Variants in TGM4 observed in about 807,000 individuals in gnomAD.
TGM4 encodes protein-glutamine gamma-glutamyltransferase 4.
TGM4 carries 61 observed loss-of-function variants against 76.3 expected under a neutral mutation model. The ratio of observed to expected loss-of-function variants is 0.80; its 90% confidence interval spans 0.65 to 0.99. The LOEUF (loss-of-function observed/expected upper bound fraction) is 0.99, where lower values mean the gene tolerates loss of function less well. Among genes scored for constraint, TGM4 ranks in the 50% least tolerant of loss-of-function variants. The probability of loss-of-function intolerance (pLI) is 0.00; values close to 1 mark genes in which losing one functional copy is unlikely to be tolerated. For missense variants in TGM4, 794 were observed against 843.2 expected (o/e 0.94, Z 0.72); for synonymous variants, 337 against 329.8 (o/e 1.02, Z -0.24).
In TGM4 at chr3:44,885,422, A is replaced by G. The variant is rs766047776; in HGVS notation, c.117A>G (p.Gly39=). 1.4e-5 allele frequency: 23 copies of G among 1,613,678 alleles called. No homozygotes were observed. The highest frequency in any genetic ancestry group is 1.9e-5 in the Non-Finnish European group (22 of 1,180,014). ...FQTSSPVFRR[G]QVFHLRLVLN... ...CGAGCAGTCCTGTGTTCCGGCGAGG[A>G]CAGGTGTTTCACCTGCGGCTGGTGC... The change falls in exon 2 of 14, where the codon GGA becomes GGG. Residue 39 remains glycine, a synonymous_variant. Transcript: ENST00000296125.
intron 1 of TGM4, among the ~76,000 whole-genome samples, chr3:44,877,786 A>G (rs1216109072): frequency 6.6e-6 from 1 of 152,194 alleles, no homozygotes. Context: ...AGATGCCCAT[A>G]TCCTGTGACA....
chr3:44,885,521 A>T (rs781726203), intron 2 of TGM4, 23 bp downstream of exon 2: 1 of 1,599,728 alleles, frequency 6.3e-7, no homozygotes, highest in African/African-American at 1.3e-5. Flanking sequence ...GGCCCTACTC[A>T]TGGGGCTTTG....
At chr3:44,890,497 A>G in intron 3 of TGM4, 106 bp from the exon 4 acceptor site, 1 of 1,496,474 alleles carries the variant, frequency 6.7e-7, no homozygotes, top group Non-Finnish European at 9.0e-7. Context: ...GGCTGGTTCC[A>G]GATGGGATGA....
chr3:44,896,612 C>T (rs186991090), intron 5 of TGM4, 97 bp from the exon 6 acceptor site: 6 of 1,126,546 alleles, frequency 5.3e-6, no homozygotes, highest in Middle Eastern at 2.4e-4. Context: ...ATGGGTTACG[C>T]TACAGGGTGG....
At chr3:44,906,025 C>T (rs1699917591) in intron 9 of TGM4, among the ~76,000 whole-genome samples, 1 of 152,168 alleles carries the variant, frequency 6.6e-6, no homozygotes, top group South Asian at 2.1e-4. Flanking sequence ...CTTAAAAGCC[C>T]ACCTAACCTG....
intron 3 of TGM4, chr3:44,888,228 G>A (rs72863126): frequency 0.11 from 18,971 of 179,032 alleles, 1,211 homozygotes; most frequent in African/African-American, 0.16. Context: ...GCTTCTGCCC[G>A]AGTGTGTGGC....
At chr3:44,894,082 A>G (rs1575718831) in intron 5 of TGM4, among the ~76,000 whole-genome samples, 1 of 28,550 alleles carries the variant, frequency 3.5e-5, no homozygotes, top group Non-Finnish European at 6.2e-5. Context: ...GCCCTCTCCC[A>G]CCTCCCATGG....
At chr3:44,892,365 T>G (rs1699713125) in intron 4 of TGM4, among the ~76,000 whole-genome samples, 2 of 147,600 alleles carry the variant, frequency 1.4e-5, no homozygotes, top group Non-Finnish European at 1.5e-5. Context: ...TTTTTTAATT[T>G]TTTTTTTTTT....
At chr3:44,902,250 T>C (rs1463474943) in intron 8 of TGM4, among the ~76,000 whole-genome samples, 1 of 152,182 alleles carries the variant, frequency 6.6e-6, no homozygotes, top group African/African-American at 2.4e-5. Flanking sequence ...AAATTCAATA[T>C]TTTTCAACAT....
chr3:44,879,559 G>A (rs1244914456), intron 1 of TGM4, among the ~76,000 whole-genome samples: 1 of 149,280 alleles, frequency 6.7e-6, no homozygotes, highest in East Asian at 2.0e-4. Context: ...TGCAAGCTCT[G>A]CCTCCCAGGT....
At chr3:44,894,530 GT>G (rs1699753905) in intron 5 of TGM4, among the ~76,000 whole-genome samples, 1 of 150,178 alleles carries the variant, frequency 6.7e-6, no homozygotes, top group Admixed American at 6.6e-5. Flanking sequence ...AAGAGGGAGA[GT>G]TTTTTAGAGA....
intron 6 of TGM4, among the ~76,000 whole-genome samples, chr3:44,901,315 C>G (rs1995639): frequency 0.5 from 75,520 of 152,080 alleles, 19,381 homozygotes; most frequent in East Asian, 0.81. Context: ...CTGAGGCATA[C>G]AGCAGTGAGC....
chr3:44,878,452 A>ATTATTT (rs1205474199), intron 1 of TGM4, among the ~76,000 whole-genome samples: 5 of 11,780 alleles, frequency 4.2e-4, no homozygotes, highest in African/African-American at 1.0e-3. Flanking sequence ...CTTTTGTTTT[A>ATTATTT]TTATTATTAT....
intron 3 of TGM4, 74 bp downstream of exon 3, chr3:44,887,869 C>A: frequency 7.6e-7 from 1 of 1,319,710 alleles, no homozygotes; most frequent in Non-Finnish European, 1.1e-6. Flanking sequence ...CAGCCCCTAT[C>A]CCCTTCCTCA....
rs1215403434 is a variant in TGM4 at position 44,914,697 on chromosome 3, G to A, written c.*972G>A. On this transcript the variant is annotated 3_prime_UTR_variant, in exon 14 of 14. Coordinates refer to ENST00000296125, the MANE Select transcript of TGM4 (RefSeq NM_003241.4). ...CACTTGGGGAGCCATGGAATCCTTTGATCTCCCCAGGCAAGGTGCTCTGAG... is the reference window on the plus strand; with the variant it reads ...CACTTGGGGAGCCATGGAATCCTTTAATCTCCCCAGGCAAGGTGCTCTGAG... 1 of 152,116 alleles carries A rather than the reference G, an allele frequency of 6.6e-6. No individual in the cohort carries two copies. Among genetic ancestry groups the A allele is most frequent in the African/African-American group, 2.4e-5 (1 of 41,396 alleles). The allele number at this position is 152,116 out of a possible 1,614,324, so 9.4% of individuals were successfully genotyped here.
Position 44,907,218 on chromosome 3 carries a change from C to T in TGM4, c.1327+18C>T. On this transcript the variant is annotated intron_variant, in intron 10 of 13. Coordinates refer to ENST00000296125, the MANE Select transcript of TGM4 (RefSeq NM_003241.4). Reference sequence around the variant, plus strand: ...TCCAGAAGGTGCTAGCATCACAGGGCTCCTTCTGACTCAGCCCCTGAGTCA... The same window carrying T: ...TCCAGAAGGTGCTAGCATCACAGGGTTCCTTCTGACTCAGCCCCTGAGTCA... 6.2e-7 allele frequency: 1 copy of T among 1,610,412 alleles called. No individual in the cohort carries two copies. The highest frequency in any genetic ancestry group is 8.5e-7 in the Non-Finnish European group (1 of 1,178,502).
intron 10 of TGM4, among the ~76,000 whole-genome samples, chr3:44,908,557 T>C (rs1211785918): frequency 1.6e-5 from 2 of 127,342 alleles, no homozygotes; most frequent in East Asian, 7.4e-4. Flanking sequence ...TTTTCCTTTC[T>C]GTCTCTCAGA....
At chr3:44,889,665 A>C (rs1435653914) in intron 3 of TGM4, among the ~76,000 whole-genome samples, 1 of 152,240 alleles carries the variant, frequency 6.6e-6, no homozygotes, top group South Asian at 2.1e-4. Flanking sequence ...TTGTGGCTAC[A>C]GCAATATTGA....
chr3:44,888,802 C>T (rs796936579), intron 3 of TGM4: 2 of 152,118 alleles, frequency 1.3e-5, no homozygotes, highest in African/African-American at 4.8e-5. Context: ...AAGGCTGGTT[C>T]TCCTGAGCTC....
Sources: allele counts gnomAD v4.1 joint callset (sites outside exome capture counted in the v4.1 genomes callset), GRCh38; gene constraint gnomAD v4.1.1; transcripts MANE v1.5; gene names NCBI Gene and HGNC (gene_info 2026-07-23, HGNC 2026-07-21).